The following GCNT2 variants were observed in gnomAD, a reference collection of about 807,000 sequenced individuals.
GCNT2 encodes the protein N-acetyllactosaminide beta-1,6-N-acetylglucosaminyl-transferase.
GCNT2 carries 34 observed loss-of-function variants against 34.2 expected under a neutral mutation model. That is an observed-to-expected ratio of 1.00 (90% CI 0.76 to 1.32). The LOEUF (loss-of-function observed/expected upper bound fraction) is 1.32, where lower values mean the gene tolerates loss of function less well. Ranked by LOEUF, GCNT2 falls within the 40% of genes most tolerant of loss-of-function variation. GCNT2 has a pLI of 0.00. For missense variants in GCNT2, 584 were observed against 489.4 expected (o/e 1.19, Z -1.82); for synonymous variants, 212 against 188.0 (o/e 1.13, Z -1.04).
chr6:10,583,577 C>T (rs1336291590), intron 3 of GCNT2, among the ~76,000 whole-genome samples: 1 of 152,178 alleles, frequency 6.6e-6, no homozygotes, highest in Non-Finnish European at 1.5e-5. Context: ...ACTCTGAGAA[C>T]CCTCTGTAAT....
intron 3 of GCNT2, among the ~76,000 whole-genome samples, chr6:10,610,643 A>G (rs561154989): frequency 6.6e-6 from 1 of 152,298 alleles, no homozygotes; most frequent in African/African-American, 2.4e-5. Flanking sequence ...CTCTAGATAC[A>G]TTAAGCTGAA....
At chr6:10,573,370 TTGGGCATTTAGTGTTAACAGC>T in intron 3 of GCNT2, 1 of 551,498 alleles carries the variant, frequency 1.8e-6, no homozygotes, top group Non-Finnish European at 2.3e-6. Context: ...TTATCTTTGC[TTGGGCATTTAGTGTTAACAGC>T]TGGGCAGTTA....
chr6:10,545,288 G>A (rs1176296909), intron 3 of GCNT2, among the ~76,000 whole-genome samples: 1 of 152,106 alleles, frequency 6.6e-6, no homozygotes, highest in Non-Finnish European at 1.5e-5. Context: ...TGCCTTGGCT[G>A]TGATCTCCAT....
intron 3 of GCNT2, among the ~76,000 whole-genome samples, chr6:10,560,436 C>T (rs996858516): frequency 6.6e-6 from 1 of 152,142 alleles, no homozygotes; most frequent in Non-Finnish European, 1.5e-5. Context: ...AAAAATTCTT[C>T]TGTCCGTACA....
intron 3 of GCNT2, among the ~76,000 whole-genome samples, chr6:10,537,723 A>T (rs1235565985): frequency 7.6e-6 from 1 of 131,464 alleles, no homozygotes; most frequent in East Asian, 2.3e-4. Context: ...AAAAAAAAAA[A>T]AAACAAAACA....
In GCNT2 at chr6:10,572,400, G is replaced by C. The variant is rs536455249; in HGVS notation, c.925+42564G>C. Among the ~76,000 whole-genome samples, 3 of 152,276 alleles carry C rather than the reference G, an allele frequency of 2.0e-5. No individual in the cohort carries two copies. In the South Asian group the frequency reaches 6.2e-4, roughly 32 times the overall value. ...GCTTTTCCCATTGTTTTTGAGGAGA[G>C]AGTATAGAGTTTAAGGATGTCATCT... is the stretch of plus-strand genomic sequence containing the variant. On this transcript the variant is annotated intron_variant, in intron 3 of 4. Coordinates refer to ENST00000495262, the MANE Select transcript of GCNT2 (RefSeq NM_145649.5).
chr6:10,573,688 GTGGTCTT>G (rs1219476686), intron 3 of GCNT2, among the ~76,000 whole-genome samples: 1 of 152,360 alleles, frequency 6.6e-6, no homozygotes, highest in Non-Finnish European at 1.5e-5. Context: ...CTGAAAAGCA[GTGGTCTT>G]CACCACCATG....
At chr6:10,547,904 T>C (rs1762335287) in intron 3 of GCNT2, among the ~76,000 whole-genome samples, 1 of 152,228 alleles carries the variant, frequency 6.6e-6, no homozygotes, top group Admixed American at 6.5e-5. Context: ...TTTTACTTAC[T>C]TTACTGCTCA....
chr6:10,581,193 C>A (rs768688103), intron 3 of GCNT2, among the ~76,000 whole-genome samples: 2 of 152,228 alleles, frequency 1.3e-5, no homozygotes, highest in African/African-American at 4.8e-5. Context: ...GTCTGTTCAT[C>A]TAAACCACTG....
chr6:10,595,544 T>G (rs1196488677), intron 3 of GCNT2, among the ~76,000 whole-genome samples: 1 of 145,556 alleles, frequency 6.9e-6, no homozygotes, highest in Non-Finnish European at 1.5e-5. Flanking sequence ...CCCAAAGTGC[T>G]GGGATTACAG....
rs548075182 is a variant in GCNT2, at chr6:10,574,678, C to T, written c.925+44842C>T. 140 of 351,526 alleles carry T rather than the reference C, an allele frequency of 4.0e-4. No individual in the cohort carries two copies. In the Middle Eastern group the frequency reaches 6.2e-3, roughly 16 times the overall value. 21.8% of individuals were successfully genotyped at this position (351,526 alleles called of 1,614,324 possible). ...TGCCTATTTTGGTACTGCCCTTGAG[C>T]CAAGAATGTTTTTTGTTTGTTTGTT... On this transcript the variant is annotated intron_variant, in intron 3 of 4. Coordinates refer to ENST00000495262, the MANE Select transcript of GCNT2 (RefSeq NM_145649.5).
At chr6:10,609,160 G>T (rs1356469842) in intron 3 of GCNT2, among the ~76,000 whole-genome samples, 1 of 152,164 alleles carries the variant, frequency 6.6e-6, no homozygotes, top group Non-Finnish European at 1.5e-5. Context: ...TTTATTTTCT[G>T]CTGTGTAACA....
intron 3 of GCNT2, among the ~76,000 whole-genome samples, chr6:10,615,093 ATAGT>A (rs1765705740): frequency 6.6e-6 from 1 of 152,224 alleles, no homozygotes; most frequent in South Asian, 2.1e-4. Context: ...TTGAGTGAGA[ATAGT>A]TAGTAAGAGA....
intron 3 of GCNT2, among the ~76,000 whole-genome samples, chr6:10,572,225 C>A (rs76120732): frequency 2.0e-5 from 3 of 152,038 alleles, no homozygotes; most frequent in African/African-American, 4.8e-5. Context: ...CGCAGAACTG[C>A]ACTGATCAAT....
At chr6:10,617,120 T>C (rs1372416116) in intron 3 of GCNT2, among the ~76,000 whole-genome samples, 2 of 152,052 alleles carry the variant, frequency 1.3e-5, no homozygotes, top group African/African-American at 2.4e-5. Flanking sequence ...GGGGTGCTCG[T>C]TGGGGAGGCT....
intron 3 of GCNT2, among the ~76,000 whole-genome samples, chr6:10,611,334 C>CTT (rs200808872): frequency 9.6e-4 from 131 of 136,394 alleles, no homozygotes; most frequent in South Asian, 3.7e-3. Context: ...TTCTTTCTTT[C>CTT]TTTTTTTTTT....
At position 10,523,600 on chromosome 6, in the gene GCNT2, T is replaced by A. The variant is rs571592519; in HGVS notation, c.-469+2183T>A. On this transcript the variant is annotated intron_variant, in intron 1 of 4. Transcript: ENST00000495262. The stretch of plus-strand genomic sequence containing the variant: ...TTAGCTCTGACTTCTCTAGAAGCCC[T>A]GAGCTGAGCACGTTAGGTGCCCTAC... Among the ~76,000 whole-genome samples, 287 of 152,244 alleles carry A rather than the reference T, an allele frequency of 1.9e-3. 2 individuals are homozygous for A. Among genetic ancestry groups the A allele is most frequent in the Middle Eastern group, 3.4e-3 (1 of 294 alleles).
chr6:10,556,742 A>G, intron 3 of GCNT2: 1 of 1,614,122 alleles, frequency 6.2e-7, no homozygotes, highest in Non-Finnish European at 8.5e-7. Flanking sequence ...TCACTTTGAC[A>G]CCTTTGCAAG....
At position 10,567,893 on chromosome 6, in the gene GCNT2, T is replaced by C. The variant is rs1374134909; in HGVS notation, c.925+38057T>C. Among the ~76,000 whole-genome samples the C allele has an allele frequency of 3.3e-5, 5 of 152,240 alleles. No individual in the cohort carries two copies. In the East Asian group the frequency reaches 7.7e-4, roughly 23 times the overall value. ...AATGAAAAGGTGATCACTTTGCCAATGATAAATGGATTTTATAATCCCTCA... is the reference window on the plus strand; with the variant it reads ...AATGAAAAGGTGATCACTTTGCCAACGATAAATGGATTTTATAATCCCTCA... On this transcript the variant is annotated intron_variant, in intron 3 of 4. Coordinates refer to ENST00000495262, the MANE Select transcript of GCNT2 (RefSeq NM_145649.5).
Sources: allele counts gnomAD v4.1 joint callset (sites outside exome capture counted in the v4.1 genomes callset), GRCh38; gene constraint gnomAD v4.1.1; transcripts MANE v1.5; gene names NCBI Gene and HGNC (gene_info 2026-07-23, HGNC 2026-07-21).